The following CUX2 variants were observed in gnomAD, a reference collection of about 807,000 sequenced individuals.
The protein encoded by CUX2 is homeobox protein cut-like 2.
A neutral mutation model predicts 144.8 loss-of-function variants in CUX2; 40 were observed. The observed-to-expected ratio is 0.28, with a 90% CI of 0.21 to 0.36. CUX2 has a LOEUF of 0.36. Ranked by LOEUF, CUX2 falls within the 10% of genes least tolerant of loss-of-function variation. The pLI is 1.00. For synonymous variants in CUX2, 827 were observed against 875.6 expected (o/e 0.94, Z 0.98); for missense variants, 1,615 against 1,994.0 (o/e 0.81, Z 3.62).
Position 111,310,408 on chromosome 12 carries a change from A to G in CUX2, c.1626A>G (p.Gly542=). 1 of 1,610,150 alleles carries G rather than the reference A, an allele frequency of 6.2e-7. No individual in the cohort carries two copies. The highest frequency in any genetic ancestry group is 8.5e-7 in the Non-Finnish European group (1 of 1,178,390). Residue 542 remains glycine (G), a synonymous_variant, in exon 15 of 22, where the codon GGA becomes GGG. Coordinates refer to ENST00000261726, the MANE Select transcript of CUX2 (RefSeq NM_015267.4). This position sits in a 1 kb window ranked among gnomAD's most constrained non-coding sequence, Gnocchi z 7.9. ...GPEPADGGGG[G]AAGPGAEEEQ... ...AGCCCGCGGATGGTGGTGGGGGCGGAGCGGCGGGGCCCGGGGCAGAGGAGG... is the reference window on the plus strand; with the variant it reads ...AGCCCGCGGATGGTGGTGGGGGCGGGGCGGCGGGGCCCGGGGCAGAGGAGG...
chr12:111,088,156 T>C, intron 1 of CUX2, among the ~76,000 whole-genome samples: 1 of 152,172 alleles, frequency 6.6e-6, no homozygotes, highest in East Asian at 1.9e-4. Flanking sequence ...ATATGTGTGC[T>C]TATCAAAGGG....
At chr12:111,234,607 A>G (rs1882640326) in intron 3 of CUX2, among the ~76,000 whole-genome samples, 1 of 152,164 alleles carries the variant, frequency 6.6e-6, no homozygotes, top group Non-Finnish European at 1.5e-5. Flanking sequence ...AGGATGGAAC[A>G]TGGGGAATGA....
rs1385241996 is a variant in CUX2 at position 111,349,260 on chromosome 12, G to A, written c.*935G>A. 1 of 152,214 alleles carries A rather than the reference G, an allele frequency of 6.6e-6. No individual in the cohort carries two copies. Among genetic ancestry groups the A allele is most frequent in the East Asian group, 1.9e-4 (1 of 5,194 alleles). The allele number at this position is 152,214 out of a possible 1,614,324, so 9.4% of individuals were successfully genotyped here. On this transcript the variant is annotated 3_prime_UTR_variant, in exon 22 of 22. Transcript: ENST00000261726. ...CTTGGAGAGTGGCGTTTGAGCCAGAGCGACCCCATTTCCCGTGTGAACCAT... is the reference window on the plus strand; with the variant it reads ...CTTGGAGAGTGGCGTTTGAGCCAGAACGACCCCATTTCCCGTGTGAACCAT...
chr12:111,314,750 A>G (rs193129163), intron 16 of CUX2, among the ~76,000 whole-genome samples: 1 of 151,344 alleles, frequency 6.6e-6, no homozygotes, highest in Admixed American at 6.6e-5. Context: ...AGGCTGAGGC[A>G]GGAGGATCAC....
At position 111,299,089 on chromosome 12, in the gene CUX2, G is replaced by C. The variant is rs531357584; in HGVS notation, c.753+500G>C. ...AGGGGGCTCCAGCCCGGAGTCTTGA[G>C]TGCCCACCATGTCTGTCCCCCAGCT... On this transcript the variant is annotated intron_variant, in intron 9 of 21. Transcript: ENST00000261726. Among the ~76,000 whole-genome samples, 3 of 152,324 alleles carry C rather than the reference G, an allele frequency of 2.0e-5. No homozygotes were observed. The East Asian group carries it at 5.8e-4, about 29-fold the overall frequency.
In CUX2 at chr12:111,056,088, T is replaced by C. The variant is rs76451382; in HGVS notation, c.63+21848T>C. The stretch of plus-strand genomic sequence containing the variant: ...ATCCGAGGCAAAAGGCGGAGGCCAA[T>C]TGTGGCTTTCTTTGGGTGTTCTTGT... On this transcript the variant is annotated intron_variant, in intron 1 of 21. Coordinates refer to ENST00000261726, the MANE Select transcript of CUX2 (RefSeq NM_015267.4). Among the ~76,000 whole-genome samples the C allele has an allele frequency of 4.1e-3, 624 of 152,322 alleles. 25 individuals are homozygous for C. In the East Asian group the frequency reaches 0.076, roughly 18 times the overall value.
chr12:111,201,374 T>C (rs1880580013), intron 1 of CUX2, among the ~76,000 whole-genome samples: 2 of 152,074 alleles, frequency 1.3e-5, no homozygotes, highest in African/African-American at 2.4e-5. Context: ...CTTGCCTTGG[T>C]CCCACAACTT....
rs1555213131 is a variant in CUX2 at position 111,295,765 on chromosome 12, A to AATTAATTAATTAATTTATTT, written c.637+373_637+374insTTTATTAATTAATTAATTTA. Among the ~76,000 whole-genome samples, 42 of 151,478 alleles carry AATTAATTAATTAATTTATTT rather than the reference A, an allele frequency of 2.8e-4. No individual in the cohort carries two copies. The East Asian group carries it at 6.8e-3, about 24-fold the overall frequency. On this transcript the variant is annotated intron_variant, in intron 7 of 21. Transcript: ENST00000261726. The surrounding 1 kb of genome is among the most constrained non-coding windows in gnomAD (Gnocchi z 5.0). ...AGACCCTGTCTCTAATTAATTAATT[A>AATTAATTAATTAATTTATTT]ATTAATTAATTAATTTAATACAACC...
At chr12:111,205,017 T>A (rs909236000) in intron 1 of CUX2, among the ~76,000 whole-genome samples, 4 of 152,150 alleles carry the variant, frequency 2.6e-5, no homozygotes, top group African/African-American at 7.2e-5. Flanking sequence ...CTCGGATAAT[T>A]GGCCCAATAC....
At position 111,348,283 on chromosome 12, in the gene CUX2, G is replaced by A. The variant is rs1358928578; in HGVS notation, c.4419G>A (p.Glu1473=). The A allele has an allele frequency of 5.0e-6, 8 of 1,613,186 alleles. No individual in the cohort carries two copies. Among genetic ancestry groups the A allele is most frequent in the African/African-American group, 1.3e-5 (1 of 74,908 alleles). ...TGAACAACATCATTTACCGAGTAGA[G>A]CGGGCTGCCAATCGGGAGGAGGCCC... ...ANLNNIIYRV[E]RAANREEALE... Residue 1473 remains glutamate (E), a synonymous_variant, in exon 22 of 22, where the codon GAG becomes GAA. Coordinates refer to ENST00000261726, the MANE Select transcript of CUX2 (RefSeq NM_015267.4).
At chr12:111,224,415 C>T (rs760384774) in intron 3 of CUX2, among the ~76,000 whole-genome samples, 12 of 152,080 alleles carry the variant, frequency 7.9e-5, no homozygotes, top group South Asian at 4.2e-4. Flanking sequence ...CCCACCCAGC[C>T]CCATGTGCTG....
chr12:111,333,598 A>C (rs901882984), intron 18 of CUX2, among the ~76,000 whole-genome samples: 8 of 152,214 alleles, frequency 5.3e-5, no homozygotes. Context: ...CGGGCTGTGT[A>C]CTTGGGGCTG....
chr12:111,103,496 C>CTTCA (rs948375933), intron 1 of CUX2, among the ~76,000 whole-genome samples: 13 of 152,128 alleles, frequency 8.5e-5, no homozygotes, highest in African/African-American at 2.4e-4. Flanking sequence ...GTGAGGGAAA[C>CTTCA]TTCATTCATT....
chr12:111,232,676 C>A (rs2136246612), intron 3 of CUX2, among the ~76,000 whole-genome samples: 1 of 152,274 alleles, frequency 6.6e-6, no homozygotes, highest in African/African-American at 2.4e-5. Flanking sequence ...AGCTCAGAAC[C>A]TATCTAGCCC....
intron 1 of CUX2, among the ~76,000 whole-genome samples, chr12:111,049,162 C>T (rs1194041922): frequency 6.6e-6 from 1 of 152,062 alleles, no homozygotes; most frequent in Non-Finnish European, 1.5e-5. Context: ...TCCATCCATC[C>T]ATTCATGAAT....
chr12:111,162,753 T>C (rs1877861397), intron 1 of CUX2, among the ~76,000 whole-genome samples: 1 of 152,138 alleles, frequency 6.6e-6, no homozygotes, highest in South Asian at 2.1e-4. Context: ...GAGCATAGAA[T>C]TTGGGGTAAG....
At chr12:111,284,790 C>T (rs1885292084) in intron 4 of CUX2, among the ~76,000 whole-genome samples, 1 of 152,252 alleles carries the variant, frequency 6.6e-6, no homozygotes, top group Non-Finnish European at 1.5e-5. Flanking sequence ...CCTCGTGCAG[C>T]TCGGAAGGGC....
intron 1 of CUX2, among the ~76,000 whole-genome samples, chr12:111,110,188 G>C (rs1873857363): frequency 6.6e-6 from 1 of 152,014 alleles, no homozygotes; most frequent in Non-Finnish European, 1.5e-5. Flanking sequence ...GCATTTTACT[G>C]GGGAAGGTCT....
Position 111,037,454 on chromosome 12 carries a change from G to A in CUX2, c.63+3214G>A, listed in dbSNP as rs1207166297. On this transcript the variant is annotated intron_variant, in intron 1 of 21. Transcript: ENST00000261726. This position sits in a 1 kb window ranked among gnomAD's most constrained non-coding sequence, Gnocchi z 5.4. ...TCCAGCGCCGTCTCTGTACACAGCA[G>A]GGCTGTTTTCCTAGGCTGGAAGTCA... is the stretch of plus-strand genomic sequence containing the variant. Among the ~76,000 whole-genome samples, 1 of 152,220 alleles carries A rather than the reference G, an allele frequency of 6.6e-6. No homozygotes were observed. The highest frequency in any genetic ancestry group is 1.9e-4 in the East Asian group (1 of 5,202).
Sources: allele counts gnomAD v4.1 joint callset (sites outside exome capture counted in the v4.1 genomes callset), GRCh38; gene constraint gnomAD v4.1.1; non-coding constraint Gnocchi (gnomAD v3.1); transcripts MANE v1.5; gene names NCBI Gene and HGNC (gene_info 2026-07-23, HGNC 2026-07-21).